MBNL1: variants seen among roughly 807,000 people sequenced by gnomAD.
MBNL1 encodes the protein muscleblind-like protein 1.
Under a neutral mutation model 42.2 loss-of-function variants are expected in MBNL1, and 8 were observed. The ratio of observed to expected loss-of-function variants is 0.19; its 90% CI spans 0.11 to 0.34. MBNL1 has a LOEUF of 0.34. Among genes scored for constraint, MBNL1 ranks in the 10% least tolerant of loss-of-function variants. MBNL1 has a pLI of 1.00. For synonymous variants in MBNL1, 169 were observed against 173.9 expected (o/e 0.97, Z 0.22); for missense variants, 309 against 495.3 (o/e 0.62, Z 3.57).
chr3:152,377,945 G>C (rs1335821420), intron 2 of MBNL1, among the ~76,000 whole-genome samples: 1 of 152,116 alleles, frequency 6.6e-6, no homozygotes, highest in African/African-American at 2.4e-5. Context: ...TGACCTTGAA[G>C]GAAACGATAT....
chr3:152,274,551 C>A (rs2043785301), intron 1 of MBNL1, among the ~76,000 whole-genome samples: 1 of 152,078 alleles, frequency 6.6e-6, no homozygotes, highest in African/African-American at 2.4e-5. Context: ...AGGGAACAGT[C>A]CTTAAATGCA....
At chr3:152,321,267 A>C (rs953876659) in intron 2 of MBNL1, among the ~76,000 whole-genome samples, 2 of 152,140 alleles carry the variant, frequency 1.3e-5, no homozygotes, top group African/African-American at 4.8e-5. Flanking sequence ...TAAGAGTTAG[A>C]ATAGAGTAAT....
chr3:152,305,850 A>G (rs1003225011), intron 2 of MBNL1, among the ~76,000 whole-genome samples: 2 of 152,234 alleles, frequency 1.3e-5, no homozygotes, highest in Non-Finnish European at 2.9e-5. Flanking sequence ...TGTTTCTTAT[A>G]CAAATATCAT....
chr3:152,340,140 C>T (rs1301026300), intron 2 of MBNL1: 2 of 168,134 alleles, frequency 1.2e-5, no homozygotes, highest in African/African-American at 4.8e-5. Context: ...ATTGTCTCTT[C>T]AAAGATAAAG....
chr3:152,459,004 C>T (rs1739586710), intron 8 of MBNL1: 2 of 267,202 alleles, frequency 7.5e-6, no homozygotes, highest in Admixed American at 1.1e-4. Flanking sequence ...CTTTCAATTA[C>T]TGCTCTGCAT....
intron 7 of MBNL1, 78 bp downstream of exon 7, chr3:152,455,655 T>A: frequency 7.8e-7 from 1 of 1,284,726 alleles, no homozygotes. Context: ...CTGCTAAGTT[T>A]AACTTATATC....
chr3:152,281,093 A>C (rs901311208), intron 1 of MBNL1, among the ~76,000 whole-genome samples: 3 of 152,140 alleles, frequency 2.0e-5, no homozygotes, highest in African/African-American at 7.2e-5. Context: ...TAAAATAGCT[A>C]CTTTCTTCGT....
chr3:152,375,147 T>C (rs954952212), intron 2 of MBNL1, among the ~76,000 whole-genome samples: 1 of 151,862 alleles, frequency 6.6e-6, no homozygotes, highest in Non-Finnish European at 1.5e-5. Flanking sequence ...CCCAGCGGAG[T>C]TGGGGTTGTT....
At chr3:152,462,349 C>T (rs1053971261) in intron 9 of MBNL1, 36 bp from the exon 10 acceptor site, 9 of 152,056 alleles carry the variant, frequency 5.9e-5, no homozygotes, top group Non-Finnish European at 1.2e-4. Flanking sequence ...TAGATATTAC[C>T]TGTTCTAACA....
At chr3:152,289,602 A>T (rs1028925383) in intron 1 of MBNL1, among the ~76,000 whole-genome samples, 2 of 152,106 alleles carry the variant, frequency 1.3e-5, no homozygotes, top group Admixed American at 6.5e-5. Context: ...AAAAAAGTCA[A>T]GTTAAACTGA....
At chr3:152,347,165 A>G (rs1353199653) in intron 2 of MBNL1, among the ~76,000 whole-genome samples, 1 of 152,146 alleles carries the variant, frequency 6.6e-6, no homozygotes, top group Non-Finnish European at 1.5e-5. Flanking sequence ...AACTCATATA[A>G]CAATAGAACA....
chr3:152,340,928 A>G (rs757241450), intron 2 of MBNL1: 1 of 1,575,618 alleles, frequency 6.3e-7, no homozygotes, highest in Non-Finnish European at 8.6e-7. Flanking sequence ...TTCTCTCCAG[A>G]CAGGAGACTG....
intron 3 of MBNL1, among the ~76,000 whole-genome samples, chr3:152,415,818 T>G (rs1450067986): frequency 1.3e-5 from 2 of 152,210 alleles, no homozygotes; most frequent in Non-Finnish European, 1.5e-5. Flanking sequence ...TTTAACTGTT[T>G]GGATTTCTGG....
chr3:152,425,471 G>A (rs924116002), intron 3 of MBNL1, among the ~76,000 whole-genome samples: 1 of 152,048 alleles, frequency 6.6e-6, no homozygotes, highest in African/African-American at 2.4e-5. Flanking sequence ...AGCCGGGCAT[G>A]GTGGCACACA....
intron 3 of MBNL1, among the ~76,000 whole-genome samples, chr3:152,428,741 G>A (rs2098968729): frequency 6.6e-6 from 1 of 152,174 alleles, no homozygotes; most frequent in Middle Eastern, 3.2e-3. Context: ...AGTGGCCAGG[G>A]CATTCACGGT....
At chr3:152,432,966 C>T in intron 4 of MBNL1, 46 bp downstream of exon 4, 2 of 1,526,812 alleles carry the variant, frequency 1.3e-6, no homozygotes, top group Admixed American at 1.8e-5. Flanking sequence ...TTCTAATTCT[C>T]AAAGTGTGGT....
intron 2 of MBNL1, among the ~76,000 whole-genome samples, chr3:152,364,231 G>A (rs1232024263): frequency 1.3e-5 from 2 of 151,868 alleles, no homozygotes; most frequent in Non-Finnish European, 2.9e-5. Flanking sequence ...TTTATTTAGC[G>A]GTGCCTACAT....
At chr3:152,391,523 T>C (rs2097716556) in intron 2 of MBNL1, among the ~76,000 whole-genome samples, 1 of 152,204 alleles carries the variant, frequency 6.6e-6, no homozygotes, top group Non-Finnish European at 1.5e-5. Flanking sequence ...TCCATAAAGC[T>C]TTCCTGAAAA....
At chr3:152,319,290 C>T (rs2074618926) in intron 2 of MBNL1, among the ~76,000 whole-genome samples, 1 of 152,064 alleles carries the variant, frequency 6.6e-6, no homozygotes, top group South Asian at 2.1e-4. Context: ...CCACATTGAA[C>T]TCTGCTGATT....
Sources: allele counts gnomAD v4.1 joint callset (sites outside exome capture counted in the v4.1 genomes callset), GRCh38; gene constraint gnomAD v4.1.1; transcripts MANE v1.5; gene names NCBI Gene and HGNC (gene_info 2026-07-23, HGNC 2026-07-21).